KCNK9: variants seen among roughly 807,000 people sequenced by gnomAD.
KCNK9 encodes the protein potassium channel subfamily K member 9.
A neutral mutation model predicts 10.8 loss-of-function variants in KCNK9; 1 was observed. The ratio of observed to expected loss-of-function variants is 0.09; its 90% confidence interval spans 0.03 to 0.44. The LOEUF (loss-of-function observed/expected upper bound fraction) is 0.44, where lower values mean the gene tolerates loss of function less well. Among genes scored for constraint, KCNK9 ranks in the 20% least tolerant of loss-of-function variants. The pLI is 0.97. For synonymous variants in KCNK9, 231 were observed against 222.7 expected (o/e 1.04, Z -0.33); for missense variants, 303 against 515.0 (o/e 0.59, Z 3.98).
At chr8:139,628,062 A>G (rs1411986662) in intron 1 of KCNK9, among the ~76,000 whole-genome samples, 1 of 152,280 alleles carries the variant, frequency 6.6e-6, no homozygotes, top group Non-Finnish European at 1.5e-5. Flanking sequence ...ATAAGATGAA[A>G]CAGACCATCT....
At chr8:139,612,540 T>A (rs1223392904), downstream of KCNK9, 1 of 37,594 alleles carries the variant, frequency 2.7e-5, no homozygotes, top group Non-Finnish European at 4.9e-5. Context: ...CACAGTTGTG[T>A]AGGGGAATGA....
intron 1 of KCNK9, among the ~76,000 whole-genome samples, chr8:139,678,826 C>T (rs1295204889): frequency 1.3e-5 from 2 of 152,226 alleles, no homozygotes; most frequent in African/African-American, 4.8e-5. Flanking sequence ...GACAACACAG[C>T]AGTAAATGGC....
intron 1 of KCNK9, among the ~76,000 whole-genome samples, chr8:139,698,961 CCCACAGCAA>C (rs1006965616): frequency 6.6e-6 from 1 of 152,152 alleles, no homozygotes; most frequent in African/African-American, 2.4e-5. Flanking sequence ...CAGCTCAATC[CCCACAGCAA>C]CCACTCCTAG....
chr8:139,614,092 G>GT (rs1375106778), downstream of KCNK9, among the ~76,000 whole-genome samples: 5 of 152,340 alleles, frequency 3.3e-5, no homozygotes, highest in Admixed American at 2.0e-4. Context: ...AATGTGCACA[G>GT]ACAAGGGAGG....
intron 1 of KCNK9, among the ~76,000 whole-genome samples, chr8:139,674,710 C>A (rs1482252491): frequency 6.6e-6 from 1 of 152,218 alleles, no homozygotes; most frequent in Non-Finnish European, 1.5e-5. Context: ...TTTGTGAGAG[C>A]CACTGGTGCT....
chr8:139,643,797 C>A (rs1420743571), intron 1 of KCNK9, among the ~76,000 whole-genome samples: 1 of 152,260 alleles, frequency 6.6e-6, no homozygotes, highest in Non-Finnish European at 1.5e-5. Context: ...CCTCTTCCCT[C>A]ATCTACAAGC....
At chr8:139,623,392 C>A (rs1430652687) in intron 1 of KCNK9, among the ~76,000 whole-genome samples, 2 of 152,200 alleles carry the variant, frequency 1.3e-5, no homozygotes, top group East Asian at 1.9e-4. Flanking sequence ...CTGGGACCTG[C>A]TCTTGGCACA....
At chr8:139,701,918 C>T (rs942515052) in intron 1 of KCNK9, among the ~76,000 whole-genome samples, 2 of 152,192 alleles carry the variant, frequency 1.3e-5, no homozygotes, top group Non-Finnish European at 1.5e-5. Flanking sequence ...ACCAGCTGGA[C>T]CCCCTCTCGT....
intron 1 of KCNK9, among the ~76,000 whole-genome samples, chr8:139,623,090 G>A (rs1254791616): frequency 6.6e-6 from 1 of 152,162 alleles, no homozygotes; most frequent in East Asian, 1.9e-4. Flanking sequence ...GCACGTTTTA[G>A]TAGTACACAC....
chr8:139,632,798 T>C (rs199983478), intron 1 of KCNK9, among the ~76,000 whole-genome samples: 4 of 152,044 alleles, frequency 2.6e-5, no homozygotes, highest in Admixed American at 6.6e-5. Flanking sequence ...ACAGTGGCTG[T>C]GATGCAAGAG....
At chr8:139,671,511 CTT>C (rs35081138) in intron 1 of KCNK9, among the ~76,000 whole-genome samples, 330 of 132,700 alleles carry the variant, frequency 2.5e-3, no homozygotes, top group African/African-American at 3.7e-3. Context: ...TTTTTAGTTT[CTT>C]TTTTTTTTTT....
chr8:139,647,532 C>T (rs1815727372), intron 1 of KCNK9, among the ~76,000 whole-genome samples: 1 of 152,178 alleles, frequency 6.6e-6, no homozygotes, highest in African/African-American at 2.4e-5. Context: ...CGGCATGTTC[C>T]CCTGCAGCGA....
Position 139,618,921 on chromosome 8 carries a change from C to T in KCNK9, c.462G>A (p.Val154=), listed in dbSNP as rs1426646613. The T allele has an allele frequency of 8.1e-6, 13 of 1,614,138 alleles. No individual in the cohort carries two copies. In the Admixed American group the frequency reaches 1.5e-4, roughly 19 times the overall value. The change falls in exon 2 of 2, where the codon GTG becomes GTA. Residue 154 remains valine (V), a synonymous_variant. Coordinates refer to ENST00000520439, the MANE Select transcript of KCNK9 (RefSeq NM_001282534.2). This position sits in a 1 kb window ranked among gnomAD's most constrained non-coding sequence, Gnocchi z 7.9. ...CCACAGTCACCATGTTCTCCATAGA[C>T]ACGTCAGTGTTGCGCATGCCACAGC... ...KKCCGMRNTD[V]SMENMVTVGF...
At chr8:139,622,216 A>G (rs1278594579) in intron 1 of KCNK9, among the ~76,000 whole-genome samples, 1 of 152,228 alleles carries the variant, frequency 6.6e-6, no homozygotes, top group Non-Finnish European at 1.5e-5. Flanking sequence ...GCTGAGGTTC[A>G]GGGGTCTTCC....
chr8:139,631,927 C>G (rs1419093032), intron 1 of KCNK9, among the ~76,000 whole-genome samples: 1 of 152,218 alleles, frequency 6.6e-6, no homozygotes. Context: ...TGAGAGGGAA[C>G]AGGCAGAGTT....
At chr8:139,644,314 A>G (rs1305141042) in intron 1 of KCNK9, among the ~76,000 whole-genome samples, 1 of 152,132 alleles carries the variant, frequency 6.6e-6, no homozygotes, top group African/African-American at 2.4e-5. Flanking sequence ...TCCTCAGAAC[A>G]TTTCTCCTTC....
chr8:139,633,572 C>T (rs73724469), intron 1 of KCNK9, among the ~76,000 whole-genome samples: 214 of 152,302 alleles, frequency 1.4e-3, no homozygotes, highest in African/African-American at 4.9e-3. Flanking sequence ...CTCAGACACA[C>T]GTATACGCTC....
At chr8:139,627,212 A>T (rs1815005189) in intron 1 of KCNK9, among the ~76,000 whole-genome samples, 1 of 152,190 alleles carries the variant, frequency 6.6e-6, no homozygotes, top group Non-Finnish European at 1.5e-5. Context: ...TTTACACTTG[A>T]CAATGCTTTT....
intron 1 of KCNK9, among the ~76,000 whole-genome samples, chr8:139,697,216 T>G (rs1484816373): frequency 1.4e-5 from 2 of 142,368 alleles, no homozygotes; most frequent in East Asian, 2.2e-4. Context: ...GGTAGATGGG[T>G]GTATGGATGG....
Sources: allele counts gnomAD v4.1 joint callset (sites outside exome capture counted in the v4.1 genomes callset), GRCh38; gene constraint gnomAD v4.1.1; non-coding constraint Gnocchi (gnomAD v3.1); transcripts MANE v1.5; gene names NCBI Gene and HGNC (gene_info 2026-07-23, HGNC 2026-07-21).